Variants in RB1CC1 observed in about 807,000 individuals in gnomAD.
The protein encoded by RB1CC1 is RB1 inducible coiled-coil 1.
RB1CC1 carries 46 observed loss-of-function variants against 177.5 expected under a neutral mutation model. That is an observed-to-expected ratio of 0.26 (90% confidence interval 0.20 to 0.33). RB1CC1 has a LOEUF of 0.33. Ranked by LOEUF, RB1CC1 falls within the 10% of genes least tolerant of loss-of-function variation. The pLI is 1.00. For missense variants in RB1CC1, 1,703 were observed against 1,816.3 expected, an observed-to-expected ratio of 0.94 and a Z score of 1.13; for synonymous variants, 666 against 613.6, an observed-to-expected ratio of 1.09 and a Z score of -1.26.
intron 7 of RB1CC1, among the ~76,000 whole-genome samples, chr8:52,673,230 G>A (rs965077296): frequency 6.6e-6 from 1 of 152,164 alleles, no homozygotes; most frequent in Non-Finnish European, 1.5e-5. Flanking sequence ...AATGAAACAT[G>A]CCCCATCAAC....
chr8:52,677,142 T>C, intron 5 of RB1CC1, among the ~76,000 whole-genome samples: 1 of 152,122 alleles, frequency 6.6e-6, no homozygotes, highest in Non-Finnish European at 1.5e-5. Context: ...TATATGGAGA[T>C]ATATAAAGAA....
chr8:52,694,664 T>C (rs1855212572), intron 1 of RB1CC1, among the ~76,000 whole-genome samples: 1 of 152,196 alleles, frequency 6.6e-6, no homozygotes, highest in African/African-American at 2.4e-5. Flanking sequence ...ATACCAGGCA[T>C]CTACTAGTGA....
Position 52,644,365 on chromosome 8 carries a change from T to C in RB1CC1, c.3987+1337A>G, listed in dbSNP as rs747617306. On this transcript the variant is annotated intron_variant, in intron 16 of 23. Coordinates refer to ENST00000025008, the MANE Select transcript of RB1CC1 (RefSeq NM_014781.5). ...CATGAAGAAGTAAATTAGACAGCTG[T>C]CAATACTATACTTTTGGTTTCAGTT... Among the ~76,000 whole-genome samples, 40 of 152,220 alleles carry C rather than the reference T, an allele frequency of 2.6e-4. 1 individual carries two copies. The highest frequency in any genetic ancestry group is 1.6e-3 in the Admixed American group (24 of 15,274).
At chr8:52,707,358 T>C (rs2150716625) in intron 1 of RB1CC1, among the ~76,000 whole-genome samples, 1 of 152,232 alleles carries the variant, frequency 6.6e-6, no homozygotes. Context: ...TTCCCTAATT[T>C]ATTCACTGTC....
At chr8:52,674,587 G>A (rs949925273) in intron 6 of RB1CC1, among the ~76,000 whole-genome samples, 2 of 152,024 alleles carry the variant, frequency 1.3e-5, no homozygotes, top group East Asian at 1.9e-4. Flanking sequence ...TGGCCAACAC[G>A]GCAAAACCCA....
chr8:52,697,567 T>C (rs1471286554), intron 1 of RB1CC1, among the ~76,000 whole-genome samples: 1 of 152,188 alleles, frequency 6.6e-6, no homozygotes, highest in African/African-American at 2.4e-5. Flanking sequence ...TGCCTGAGTC[T>C]TGCTTTAAAC....
In RB1CC1 at chr8:52,623,417, T is replaced by C. The variant is rs984987878; in HGVS notation, c.*365A>G. 6.3e-6 allele frequency: 2 copies of C among 317,730 alleles called. No individual in the cohort carries two copies. The highest frequency in any genetic ancestry group is 2.2e-5 in the African/African-American group (1 of 45,606). 19.7% of individuals were successfully genotyped at this position (317,730 alleles called of 1,614,324 possible). On this transcript the variant is annotated 3_prime_UTR_variant, in exon 24 of 24. Coordinates refer to ENST00000025008, the MANE Select transcript of RB1CC1 (RefSeq NM_014781.5). ...ACAAAAGGACAAATGCTGGTAATAA[T>C]AACATTTAACATCTAAGTTCAAGCT...
chr8:52,639,754 T>C (rs1464209850), intron 18 of RB1CC1, among the ~76,000 whole-genome samples: 1 of 152,118 alleles, frequency 6.6e-6, no homozygotes, highest in Admixed American at 6.5e-5. Flanking sequence ...AATCAGTGAG[T>C]ATGGTTAGGT....
Position 52,661,078 on chromosome 8 carries a change from G to T in RB1CC1, c.1545+17C>A. 1 of 1,611,214 alleles carries T rather than the reference G, an allele frequency of 6.2e-7. No homozygotes were observed. Among genetic ancestry groups the T allele is most frequent in the Non-Finnish European group, 8.5e-7 (1 of 1,178,748 alleles). ...TTAAAGTTCATATACAGTTAAAATAGAATTCAACTTGCATACCTCCCTGTA... is the reference window on the plus strand; with the variant it reads ...TTAAAGTTCATATACAGTTAAAATATAATTCAACTTGCATACCTCCCTGTA... On this transcript the variant is annotated intron_variant, in intron 10 of 23. Coordinates refer to ENST00000025008, the MANE Select transcript of RB1CC1 (RefSeq NM_014781.5).
chr8:52,686,830 T>C (rs1854314303), intron 2 of RB1CC1, 23 bp downstream of exon 2: 2 of 436,044 alleles, frequency 4.6e-6, no homozygotes, highest in Non-Finnish European at 9.0e-6. Flanking sequence ...AACTCTGCTA[T>C]ACAGGTAGAA....
At chr8:52,640,272 A>G (rs1464717824) in intron 18 of RB1CC1, among the ~76,000 whole-genome samples, 1 of 152,194 alleles carries the variant, frequency 6.6e-6, no homozygotes, top group Non-Finnish European at 1.5e-5. Context: ...GGAGATGAGG[A>G]GAGGTTGGTC....
intron 1 of RB1CC1, 36 bp downstream of exon 1, chr8:52,714,039 A>G (rs560908719): frequency 5.9e-6 from 2 of 339,810 alleles, no homozygotes; most frequent in South Asian, 4.1e-5. Flanking sequence ...GCTGTGCCAG[A>G]TGGGGGAAGG....
intron 18 of RB1CC1, among the ~76,000 whole-genome samples, chr8:52,636,769 G>A (rs1042532442): frequency 8.5e-5 from 13 of 152,084 alleles, no homozygotes; most frequent in Admixed American, 7.9e-4. Context: ...CGCATATGGT[G>A]AGGAAAGGGT....
intron 15 of RB1CC1, among the ~76,000 whole-genome samples, chr8:52,653,754 C>G (rs1850839679): frequency 6.6e-6 from 1 of 152,158 alleles, no homozygotes; most frequent in African/African-American, 2.4e-5. Context: ...TATTTACCAG[C>G]TGAATATCTC....
intron 15 of RB1CC1, among the ~76,000 whole-genome samples, chr8:52,648,550 G>GT (rs1369342864): frequency 6.6e-6 from 1 of 152,140 alleles, no homozygotes; most frequent in African/African-American, 2.4e-5. Context: ...AGGTTACAGC[G>GT]TATCACAGTT....
chr8:52,657,460 T>C lies in RB1CC1; in HGVS notation c.2369A>G (p.Asp790Gly). 1.9e-6 allele frequency: 3 copies of C among 1,613,722 alleles called. No individual in the cohort carries two copies. Among genetic ancestry groups the C allele is most frequent in the Admixed American group, 1.7e-5 (1 of 60,018 alleles). ...TNVCGKEDFGDHTSLNVQLER... is the reference protein window; with the variant it reads ...TNVCGKEDFGGHTSLNVQLER... ...CAACTGGACATTCAGAGAAGTATGA[T>C]CTCCAAAATCCTCCTTACCACATAC... The change falls in exon 15 of 24, where the codon GAT (aspartate) becomes GGT (glycine). Residue 790 changes from aspartate (D) to glycine (G), a missense_variant. Transcript: ENST00000025008.
At chr8:52,691,918 A>G (rs897207863) in intron 1 of RB1CC1, among the ~76,000 whole-genome samples, 1 of 152,236 alleles carries the variant, frequency 6.6e-6, no homozygotes, top group African/African-American at 2.4e-5. Flanking sequence ...AATCATAATC[A>G]TAATCATTGC....
At chr8:52,699,296 C>T (rs1409510437) in intron 1 of RB1CC1, among the ~76,000 whole-genome samples, 1 of 152,140 alleles carries the variant, frequency 6.6e-6, no homozygotes, top group Non-Finnish European at 1.5e-5. Flanking sequence ...ATTTTCTCAT[C>T]TCAAAAGTAG....
chr8:52,662,861 A>G (rs1453670424), intron 8 of RB1CC1, among the ~76,000 whole-genome samples: 2 of 152,064 alleles, frequency 1.3e-5, no homozygotes, highest in Non-Finnish European at 2.9e-5. Context: ...CTATTAAAAA[A>G]CAATTTGCTA....
Sources: gnomAD v4.1 joint callset for allele counts (sites outside exome capture counted in the v4.1 genomes callset) on GRCh38, gnomAD v4.1.1 for gene constraint, MANE v1.5 for transcripts, NCBI Gene and HGNC (gene_info 2026-07-23, HGNC 2026-07-21) for gene names.